FAAH2: variants seen among roughly 807,000 people sequenced by gnomAD.
The protein encoded by FAAH2 is fatty-acid amide hydrolase 2.
In FAAH2, 60 loss-of-function variants were observed where a neutral mutation model predicts 36.9. That is an observed-to-expected ratio of 1.63 (90% CI 1.32 to 2.02). FAAH2 has a LOEUF of 2.02. Ranked by LOEUF, FAAH2 falls within the 30% of genes most tolerant of loss-of-function variation. The probability of loss-of-function intolerance (pLI) is 0.00; values close to 1 mark genes in which losing one functional copy is unlikely to be tolerated. For missense variants in FAAH2, 689 were observed against 397.5 expected (o/e 1.73, Z -6.23); for synonymous variants, 214 against 143.8 (o/e 1.49, Z -3.49).
chrX:57,460,478 G>A (rs1280491342), intron 10 of FAAH2, among the ~76,000 whole-genome samples: 2 of 111,869 alleles, frequency 1.8e-5, no homozygotes, highest in Non-Finnish European at 3.8e-5. Flanking sequence ...AACCCTACAA[G>A]CCAGAAGAGA....
At chrX:57,289,728 A>G (rs1018181418) in intron 1 of FAAH2, among the ~76,000 whole-genome samples, 1 of 111,640 alleles carries the variant, frequency 9.0e-6, no homozygotes, top group Non-Finnish European at 1.9e-5. Flanking sequence ...ATCTAAAGGA[A>G]CAGATACGTA....
the FAAH2 span, among the ~76,000 whole-genome samples, chrX:57,228,623 G>T: frequency 9.0e-6 from 1 of 111,157 alleles, no homozygotes; most frequent in Non-Finnish European, 1.9e-5. Context: ...TCCGTATGCT[G>T]CTCTGTCCGG....
chrX:57,193,513 T>C, the FAAH2 span, among the ~76,000 whole-genome samples: 1 of 111,731 alleles, frequency 9.0e-6, no homozygotes, highest in Non-Finnish European at 1.9e-5. Context: ...ACCCTATTTG[T>C]ACACTCCCTC....
At chrX:57,198,477 C>A in the FAAH2 span, among the ~76,000 whole-genome samples, 1 of 112,358 alleles carries the variant, frequency 8.9e-6, no homozygotes, top group African/African-American at 3.2e-5. Context: ...GAACTGAGAT[C>A]TTGCCCCAGG....
chrX:57,203,478 G>T, the FAAH2 span, among the ~76,000 whole-genome samples: 3 of 111,857 alleles, frequency 2.7e-5, no homozygotes, highest in South Asian at 3.8e-4. Flanking sequence ...TTTATTTATG[G>T]CCAGTTTTGA....
chrX:57,264,690 C>T, the FAAH2 span, among the ~76,000 whole-genome samples: 13 of 112,210 alleles, frequency 1.2e-4, no homozygotes, highest in Admixed American at 3.8e-4. Flanking sequence ...GGGTATATAC[C>T]CAAAAGTACA....
chrX:57,254,224 C>G, the FAAH2 span, among the ~76,000 whole-genome samples: 1 of 111,779 alleles, frequency 8.9e-6, no homozygotes, highest in Non-Finnish European at 1.9e-5. Context: ...GAAGAGCTAA[C>G]TATGCTAAAT....
At chrX:57,392,585 C>A in intron 7 of FAAH2, 1 of 815,593 alleles carries the variant, frequency 1.2e-6, no homozygotes, top group Non-Finnish European at 1.8e-6. Context: ...CCCAGTGGGC[C>A]TGAATAGACA....
At chrX:57,441,508 C>G (rs2056554967) in intron 8 of FAAH2, among the ~76,000 whole-genome samples, 2 of 109,495 alleles carry the variant, frequency 1.8e-5, no homozygotes, top group South Asian at 7.7e-4. Flanking sequence ...CTTTATTAGT[C>G]TTGCTAGTGG....
chrX:57,404,617 G>A (rs1031595995), intron 7 of FAAH2, among the ~76,000 whole-genome samples: 1 of 111,643 alleles, frequency 9.0e-6, no homozygotes, highest in African/African-American at 3.3e-5. Context: ...ATAGCCTAGG[G>A]GCCTAAGGAT....
chrX:57,305,218 T>C (rs945149061), intron 2 of FAAH2, among the ~76,000 whole-genome samples: 1 of 110,826 alleles, frequency 9.0e-6, no homozygotes, highest in Non-Finnish European at 1.9e-5. Context: ...AATTCCCATA[T>C]ATGTATATCT....
At chrX:57,288,498 C>T (rs1035255505) in intron 1 of FAAH2, among the ~76,000 whole-genome samples, 2 of 107,822 alleles carry the variant, frequency 1.9e-5, no homozygotes, top group Admixed American at 9.9e-5. Context: ...TACAGGCGCC[C>T]GCCACCATGC....
At chrX:57,308,165 G>T (rs985025576) in intron 2 of FAAH2, among the ~76,000 whole-genome samples, 10 of 111,705 alleles carry the variant, frequency 9.0e-5, no homozygotes, top group African/African-American at 2.9e-4. Flanking sequence ...ACCCAGTAAT[G>T]TGATTGCTGG....
intron 3 of FAAH2, among the ~76,000 whole-genome samples, chrX:57,328,574 G>A (rs2053295915): frequency 9.0e-6 from 1 of 111,234 alleles, no homozygotes; most frequent in African/African-American, 3.3e-5. Context: ...AGCCATCTCA[G>A]CCTGCTTAAG....
rs180676044 is a variant in FAAH2, at chrX:57,324,691, A to G, written c.413-6907A>G. 2.5e-3 allele frequency among the ~76,000 whole-genome samples: 277 copies of G among 112,038 alleles called. 1 individual carries two copies. The highest frequency in any genetic ancestry group is 8.7e-3 in the African/African-American group (268 of 30,844). ...CTTGTGATTTTTGCACATTGATTTT[A>G]TATCCTGAGACTTTGCTGAAGTTGC... On this transcript the variant is annotated intron_variant, in intron 3 of 10. Coordinates refer to ENST00000374900, the MANE Select transcript of FAAH2 (RefSeq NM_174912.4).
At chrX:57,345,775 A>T (rs1313110316) in intron 5 of FAAH2, among the ~76,000 whole-genome samples, 1 of 110,524 alleles carries the variant, frequency 9.0e-6, no homozygotes, top group Non-Finnish European at 1.9e-5. Flanking sequence ...CTTAAACTTT[A>T]CTCTTAACAG....
At chrX:57,407,090 A>G (rs992125782) in intron 7 of FAAH2, among the ~76,000 whole-genome samples, 1 of 112,059 alleles carries the variant, frequency 8.9e-6, no homozygotes. Context: ...TCTGCTCCCC[A>G]TTCCCATAAT....
In FAAH2 at chrX:57,482,709, AT is replaced by A. The variant is rs368783162; in HGVS notation, c.1424-6027del. ...CGGCCATCTTGGCTTCATTCCCTCAATTTTTTTTTTTTTTTTTTTTTGCTTG... is the reference window on the plus strand; with the variant it reads ...CGGCCATCTTGGCTTCATTCCCTCAATTTTTTTTTTTTTTTTTTTTGCTTG... On this transcript the variant is annotated intron_variant, in intron 10 of 10. Transcript: ENST00000374900. 6.1e-3 allele frequency among the ~76,000 whole-genome samples: 390 copies of A among 63,870 alleles called. 3 individuals are homozygous for A. The highest frequency in any genetic ancestry group is 0.019 in the African/African-American group (343 of 18,020). 55.5% of individuals were successfully genotyped at this position (63,870 alleles called of 115,157 possible).
intron 5 of FAAH2, among the ~76,000 whole-genome samples, chrX:57,377,865 G>A (rs559960120): frequency 3.0e-4 from 34 of 111,616 alleles, no homozygotes; most frequent in East Asian, 2.3e-3. Flanking sequence ...TTCACATCCC[G>A]TGTAAGTTGT....
Sources: allele counts gnomAD v4.1 joint callset (sites outside exome capture counted in the v4.1 genomes callset), GRCh38; gene constraint gnomAD v4.1.1; transcripts MANE v1.5; gene names NCBI Gene and HGNC (gene_info 2026-07-23, HGNC 2026-07-21).